The following AK9 variants were observed in gnomAD, a reference collection of about 807,000 sequenced individuals.
AK9 encodes the protein adenylate kinase domain containing 1.
AK9 carries 191 observed loss-of-function variants against 239.6 expected under a neutral mutation model. The observed-to-expected ratio is 0.80, with a 90% CI of 0.71 to 0.90. The LOEUF (loss-of-function observed/expected upper bound fraction) is 0.90. Among genes scored for constraint, AK9 ranks in the 40% least tolerant of loss-of-function variants. The pLI, the probability that AK9 is intolerant of heterozygous loss-of-function variation, is 0.00. For synonymous variants in AK9, 689 were observed against 721.0 expected (o/e 0.96, Z 0.71); for missense variants, 1,995 against 2,214.7 (o/e 0.90, Z 1.99).
intron 20 of AK9, 82 bp downstream of exon 20, chr6:109,579,468 G>T: frequency 7.5e-7 from 1 of 1,335,986 alleles, no homozygotes; most frequent in Non-Finnish European, 1.0e-6. Context: ...TGATCACCCA[G>T]TCTATAATTC....
At position 109,662,569 on chromosome 6, in the gene AK9, A is replaced by G; in HGVS notation, c.426T>C (p.Asp142=). Residue 142 remains aspartate (D), a synonymous_variant, in exon 6 of 41, where the codon GAT becomes GAC. Coordinates refer to ENST00000424296, the MANE Select transcript of AK9 (RefSeq NM_001145128.3). Reference sequence around the variant, plus strand: ...TCCTTACCTTTATATTGATTATAACATCAGGTTTCAGGTTTAAGTTTTTAA... The same window carrying G: ...TCCTTACCTTTATATTGATTATAACGTCAGGTTTCAGGTTTAAGTTTTTAA... ...ELIKNLNLKP[D]VIINIKCPDY... is the part of the protein sequence containing the mutation. The G allele has an allele frequency of 6.4e-7, 1 of 1,560,046 alleles. No homozygotes were observed. Among genetic ancestry groups the G allele is most frequent in the South Asian group, 1.2e-5 (1 of 81,730 alleles).
chr6:109,635,330 G>A (rs1236689655), intron 10 of AK9, among the ~76,000 whole-genome samples: 1 of 152,182 alleles, frequency 6.6e-6, no homozygotes, highest in Non-Finnish European at 1.5e-5. Flanking sequence ...CAAGGAGTCA[G>A]TGGATTCACT....
chr6:109,552,793 A>G (rs1784520870), intron 24 of AK9, among the ~76,000 whole-genome samples: 1 of 152,158 alleles, frequency 6.6e-6, no homozygotes, highest in African/African-American at 2.4e-5. Context: ...CTATGTCCTG[A>G]ATGGTATTGC....
chr6:109,493,533 A>T lies in AK9; in HGVS notation c.5572T>A (p.Tyr1858Asn). 1 of 1,614,024 alleles carries T rather than the reference A, an allele frequency of 6.2e-7. No individual in the cohort carries two copies. The highest frequency in any genetic ancestry group is 8.5e-7 in the Non-Finnish European group (1 of 1,180,010). The change falls in exon 41 of 41, where the codon TAT becomes AAT. Residue 1858 changes from tyrosine (Y) to asparagine (N), a missense_variant. By Grantham distance (143) the Tyr-to-Asn change is moderately radical. Coordinates refer to ENST00000424296, the MANE Select transcript of AK9 (RefSeq NM_001145128.3). ...PKGSEYTRKK[Y>N]KKKMEQFMES... is the part of the protein sequence containing the mutation. ...ATAAACTGCTCCATCTTCTTCTTAT[A>T]CTTTTTTCTTGTGTATTCGGAACCT...
chr6:109,621,893 T>TAAAAAAAAAAAAAAAAAAAAAA (rs59405869), intron 12 of AK9, among the ~76,000 whole-genome samples: 3 of 55,530 alleles, frequency 5.4e-5, no homozygotes, highest in African/African-American at 9.3e-5. Context: ...AAAGTATAAT[T>TAAAAAAAAAAAAAAAAAAAAAA]AAAAAAAAAA....
intron 10 of AK9, among the ~76,000 whole-genome samples, chr6:109,636,895 T>C (rs1796785049): frequency 6.6e-6 from 1 of 152,038 alleles, no homozygotes; most frequent in Non-Finnish European, 1.5e-5. Context: ...GAGTTCCTGG[T>C]TTCAATCCTT....
chr6:109,574,249 C>G (rs944142453), intron 20 of AK9, among the ~76,000 whole-genome samples: 1 of 152,070 alleles, frequency 6.6e-6, no homozygotes, highest in Admixed American at 6.6e-5. Context: ...GTGGCACACA[C>G]CTGTAGCCCC....
chr6:109,595,343 A>G (rs1002841682), intron 17 of AK9, among the ~76,000 whole-genome samples: 9 of 152,260 alleles, frequency 5.9e-5, no homozygotes, highest in African/African-American at 1.2e-4. Flanking sequence ...GATTAAAGTC[A>G]GGAAACAACA....
chr6:109,599,290 T>C (rs1791557991), intron 17 of AK9, among the ~76,000 whole-genome samples: 1 of 152,186 alleles, frequency 6.6e-6, no homozygotes, highest in African/African-American at 2.4e-5. Context: ...GCTTTCTACG[T>C]ATGGCTAGCC....
At chr6:109,587,449 G>A (rs1285536368) in intron 17 of AK9, among the ~76,000 whole-genome samples, 1 of 152,136 alleles carries the variant, frequency 6.6e-6, no homozygotes, top group Non-Finnish European at 1.5e-5. Context: ...AGGGCTTTCA[G>A]TGCATCCATC....
intron 20 of AK9, among the ~76,000 whole-genome samples, chr6:109,574,057 G>A (rs1040445752): frequency 6.6e-6 from 1 of 152,242 alleles, no homozygotes; most frequent in African/African-American, 2.4e-5. Context: ...TATAAAATAT[G>A]TGACTTTTAG....
At chr6:109,564,614 CA>C (rs1786228192) in intron 22 of AK9, 141 bp downstream of exon 22, 2 of 609,104 alleles carry the variant, frequency 3.3e-6, no homozygotes, top group Non-Finnish European at 5.3e-6. Context: ...TGGAGTAAGC[CA>C]AATATTTATG....
chr6:109,530,915 T>C (rs1480478377), intron 28 of AK9, among the ~76,000 whole-genome samples: 3 of 152,046 alleles, frequency 2.0e-5, no homozygotes, highest in Non-Finnish European at 1.5e-5. Context: ...TGGTGGTGCA[T>C]GCCTGTAGTC....
At chr6:109,647,609 A>C (rs1380293021) in intron 8 of AK9, among the ~76,000 whole-genome samples, 1 of 152,246 alleles carries the variant, frequency 6.6e-6, no homozygotes, top group Non-Finnish European at 1.5e-5. Flanking sequence ...GTGACTTACA[A>C]AGAAACTTAG....
At chr6:109,539,180 G>T (rs1782487400) in intron 27 of AK9, among the ~76,000 whole-genome samples, 2 of 152,122 alleles carry the variant, frequency 1.3e-5, no homozygotes, top group African/African-American at 4.8e-5. Context: ...AATTCTCCTG[G>T]ATAATATCCT....
intron 15 of AK9, 48 bp from the exon 16 acceptor site, chr6:109,612,141 T>G: frequency 8.1e-7 from 1 of 1,239,522 alleles, no homozygotes; most frequent in African/African-American, 1.5e-5. Flanking sequence ...TTAAAAAAAA[T>G]GTAGGTGATT....
chr6:109,604,905 C>A (rs372473619), intron 17 of AK9, among the ~76,000 whole-genome samples: 1 of 152,046 alleles, frequency 6.6e-6, no homozygotes, highest in Non-Finnish European at 1.5e-5. Context: ...ATCTTTATTT[C>A]AAACTTAGTT....
chr6:109,499,462 T>C (rs1189895150), intron 35 of AK9, among the ~76,000 whole-genome samples: 1 of 152,222 alleles, frequency 6.6e-6, no homozygotes, highest in Non-Finnish European at 1.5e-5. Flanking sequence ...TCTTTTTCAG[T>C]CTTTTTTCTA....
chr6:109,648,099 G>A (rs1270115347), intron 8 of AK9, among the ~76,000 whole-genome samples: 1 of 152,022 alleles, frequency 6.6e-6, no homozygotes, highest in African/African-American at 2.4e-5. Context: ...AGTGAGTAGA[G>A]GGAAATTTAT....
Sources: gnomAD v4.1 joint callset for allele counts (sites outside exome capture counted in the v4.1 genomes callset) on GRCh38, gnomAD v4.1.1 for gene constraint, MANE v1.5 for transcripts, NCBI Gene and HGNC (gene_info 2026-07-23, HGNC 2026-07-21) for gene names.